MAP4K5: variants seen among roughly 807,000 people sequenced by gnomAD.
MAP4K5 encodes MAPK/ERK kinase kinase kinase 5.
A neutral mutation model predicts 135.6 loss-of-function variants in MAP4K5; 82 were observed. That is an observed-to-expected ratio of 0.60 (90% CI 0.51 to 0.73). The LOEUF (loss-of-function observed/expected upper bound fraction) is 0.73, where lower values mean the gene tolerates loss of function less well. MAP4K5 is among the 30% of genes least tolerant of loss of function. MAP4K5 has a pLI of 0.00. For missense variants in MAP4K5, 907 were observed against 1,010.9 expected (o/e 0.90, Z 1.39); for synonymous variants, 347 against 335.0 (o/e 1.04, Z -0.39).
intron 3 of MAP4K5, among the ~76,000 whole-genome samples, chr14:50,489,035 T>G (rs777066717): frequency 6.6e-6 from 1 of 152,244 alleles, no homozygotes; most frequent in African/African-American, 2.4e-5. Flanking sequence ...GAAATTCGGA[T>G]AGTTGATTTT....
intron 1 of MAP4K5, among the ~76,000 whole-genome samples, chr14:50,554,054 T>G (rs987896072): frequency 6.6e-6 from 1 of 151,940 alleles, no homozygotes; most frequent in Non-Finnish European, 1.5e-5. Flanking sequence ...ACTAAAGAAC[T>G]TATTAATGTA....
At chr14:50,462,822 C>T in intron 12 of MAP4K5, 41 bp from the exon 13 acceptor site, 1 of 1,127,268 alleles carries the variant, frequency 8.9e-7, no homozygotes, top group Non-Finnish European at 1.3e-6. Flanking sequence ...TATGCCTTTA[C>T]ATCTATGGCT....
At chr14:50,452,850 A>G (rs2036520985) in intron 14 of MAP4K5, among the ~76,000 whole-genome samples, 1 of 152,236 alleles carries the variant, frequency 6.6e-6, no homozygotes, top group Admixed American at 6.5e-5. Flanking sequence ...CACCCAAGTC[A>G]GTTGGACCAA....
rs368955116 is a variant in MAP4K5, at chr14:50,486,129, C to T, written c.232G>A (p.Val78Ile). 2.4e-5 allele frequency: 33 copies of T among 1,401,906 alleles called. No homozygotes were observed. In the East Asian group the frequency reaches 4.0e-4, roughly 17 times the overall value. 86.8% of individuals were successfully genotyped at this position (1,401,906 alleles called of 1,614,324 possible). A position where few individuals can be genotyped will look rare whatever the true frequency, so the allele number is the denominator to read the frequency against. The change falls in exon 4 of 33, where the codon GTT (valine) becomes ATT (isoleucine). Residue 78 changes from valine to isoleucine, a missense_variant. Transcript: ENST00000682126. ...MVKECKHCNI[V>I]AYFGSYLSRE... ...CTAAGATAACTCCCAAAGTAGGCAA[C>T]GATGTTACAATGTTTACATTCTTTA...
chr14:50,483,290 A>T (rs992162074), intron 5 of MAP4K5: 9 of 152,154 alleles, frequency 5.9e-5, no homozygotes, highest in African/African-American at 1.9e-4. Context: ...CCTAATATGA[A>T]ATATAAAATT....
chr14:50,463,891 CAAAAAAAAAAAAAAAAAAAAAA>C lies in MAP4K5; in HGVS notation c.819+139_819+160del, dbSNP rs56877870. 9.9e-5 allele frequency among the ~76,000 whole-genome samples: 7 copies of C among 70,396 alleles called. No individual in the cohort carries two copies. In the East Asian group the frequency reaches 2.1e-3, roughly 21 times the overall value. The allele number at this position is 70,396 out of a possible 152,430, so 46.2% of individuals were successfully genotyped here. A position where few individuals can be genotyped will look rare whatever the true frequency, so the allele number is the denominator to read the frequency against. ...GGGTGACAGAGTGAGACCCTGTTTC[CAAAAAAAAAAAAAAAAAAAAAA>C]AAAAAAAAAAAAAAAGTTTGCTGAC... On this transcript the variant is annotated intron_variant, in intron 12 of 32. Transcript: ENST00000682126.
intron 3 of MAP4K5, among the ~76,000 whole-genome samples, chr14:50,493,981 C>G (rs2037540255): frequency 6.7e-6 from 1 of 149,380 alleles, no homozygotes; most frequent in Non-Finnish European, 1.5e-5. Context: ...GAGTGAGAAT[C>G]CATCGCAAAA....
At chr14:50,448,602 T>C (rs2036411736) in intron 15 of MAP4K5, among the ~76,000 whole-genome samples, 172 bp downstream of exon 15, 1 of 152,048 alleles carries the variant, frequency 6.6e-6, no homozygotes, top group African/African-American at 2.4e-5. Flanking sequence ...CATCGTACTC[T>C]AGTAAAAATA....
In MAP4K5 at chr14:50,560,305, T is replaced by G. The variant is rs766408400; in HGVS notation, c.-180+735A>C. 1.9e-6 allele frequency: 3 copies of G among 1,613,610 alleles called. No homozygotes were observed. The Admixed American group carries it at 5.0e-5, about 27-fold the overall frequency. On this transcript the variant is annotated intron_variant, in intron 1 of 8. Coordinates refer to the MAP4K5 transcript ENST00000555216. ...CAGGGACAGAAACAGTTGGGGTGAG[T>G]AGCAAATGAGAACTTCTGCAGCCTG... is the stretch of plus-strand genomic sequence containing the variant.
chr14:50,511,878 G>A (rs1461652536), intron 2 of MAP4K5, among the ~76,000 whole-genome samples: 1 of 152,118 alleles, frequency 6.6e-6, no homozygotes, highest in East Asian at 1.9e-4. Flanking sequence ...ATGGTTGTCT[G>A]GGGTTTAGGG....
intron 1 of MAP4K5, among the ~76,000 whole-genome samples, chr14:50,553,516 G>C (rs1034431437): frequency 2.0e-5 from 3 of 152,092 alleles, no homozygotes; most frequent in Non-Finnish European, 4.4e-5. Context: ...ATGTAAACTA[G>C]TACAACCACT....
chr14:50,520,208 C>A (rs987334761), intron 2 of MAP4K5, among the ~76,000 whole-genome samples: 1 of 152,042 alleles, frequency 6.6e-6, no homozygotes, highest in Non-Finnish European at 1.5e-5. Flanking sequence ...ATTAAAAATA[C>A]AAAAATTTGG....
At chr14:50,421,083 C>T (rs1345656516) in intron 32 of MAP4K5, among the ~76,000 whole-genome samples, 3 of 151,900 alleles carry the variant, frequency 2.0e-5, no homozygotes, top group African/African-American at 7.3e-5. Context: ...ATAATGAAAA[C>T]ATTTTTTAAA....
intron 9 of MAP4K5, among the ~76,000 whole-genome samples, chr14:50,470,423 A>G (rs1205008226): frequency 6.6e-6 from 1 of 152,182 alleles, no homozygotes; most frequent in Non-Finnish European, 1.5e-5. Flanking sequence ...AAGGACAGTC[A>G]TAGAAAGTGA....
chr14:50,556,039 C>T (rs1169365953), intron 1 of MAP4K5, among the ~76,000 whole-genome samples: 1 of 152,162 alleles, frequency 6.6e-6, no homozygotes, highest in Non-Finnish European at 1.5e-5. Flanking sequence ...TGTGGAGTAA[C>T]ATCCCGGAAG....
chr14:50,497,053 C>T (rs1423023233), intron 3 of MAP4K5, among the ~76,000 whole-genome samples: 12 of 152,006 alleles, frequency 7.9e-5, no homozygotes, highest in Non-Finnish European at 1.6e-4. Flanking sequence ...CTAATTTTAG[C>T]GGTAGTTCAT....
intron 2 of MAP4K5, among the ~76,000 whole-genome samples, chr14:50,505,667 T>C (rs1036403896): frequency 6.6e-6 from 1 of 152,196 alleles, no homozygotes; most frequent in African/African-American, 2.4e-5. Context: ...TGTGGACTTA[T>C]AATGGGTATG....
chr14:50,477,984 T>G lies in MAP4K5; in HGVS notation c.379-1678A>C, dbSNP rs374895960. On this transcript the variant is annotated intron_variant, in intron 6 of 32. Coordinates refer to ENST00000682126, the MANE Select transcript of MAP4K5 (RefSeq NM_006575.6). ...ATGCTGACTCAAAATGATTCGGGAG[T>G]TATTTCTCATTCTTCAATTTTCTAG... Among the ~76,000 whole-genome samples, 171 of 152,202 alleles carry G rather than the reference T, an allele frequency of 1.1e-3. 2 individuals carry two copies. The South Asian group carries it at 0.033, about 29-fold the overall frequency.
At chr14:50,477,291 A>G (rs2037123298) in intron 6 of MAP4K5, among the ~76,000 whole-genome samples, 3 of 152,202 alleles carry the variant, frequency 2.0e-5, no homozygotes, top group Admixed American at 6.5e-5. Flanking sequence ...TAGTATATAT[A>G]AATCTGATTG....
Sources: allele counts gnomAD v4.1 joint callset (sites outside exome capture counted in the v4.1 genomes callset), GRCh38; gene constraint gnomAD v4.1.1; transcripts MANE v1.5; gene names NCBI Gene and HGNC (gene_info 2026-07-23, HGNC 2026-07-21).